Variants in TG observed in about 807,000 individuals in gnomAD.
The protein encoded by TG is thyroglobulin.
Under a neutral mutation model 324.7 loss-of-function variants are expected in TG, and 270 were observed. The ratio of observed to expected loss-of-function variants is 0.83; its 90% confidence interval spans 0.75 to 0.92. The LOEUF is 0.92. Ranked by LOEUF, TG falls within the 40% of genes least tolerant of loss-of-function variation. The pLI, the probability that TG is intolerant of heterozygous loss-of-function variation, is 0.00. For synonymous variants in TG, 1,401 were observed against 1,327.0 expected (o/e 1.06, Z -1.21); for missense variants, 3,591 against 3,456.4 (o/e 1.04, Z -0.98).
At chr8:132,962,939 G>A in intron 28 of TG, 55 bp from the exon 29 acceptor site, 2 of 1,541,020 alleles carry the variant, frequency 1.3e-6, no homozygotes, top group Non-Finnish European at 1.8e-6. Context: ...TTGTTGACCA[G>A]TGGAGTACTA....
At position 132,918,965 on chromosome 8, in the gene TG, C is replaced by T. The variant is rs139201442; in HGVS notation, c.4379-411C>T. ...TGATGTATTAATGTATGTAACAGGGCGATAGACTAAGTGCTGCCAGTAGTG... is the reference window on the plus strand; with the variant it reads ...TGATGTATTAATGTATGTAACAGGGTGATAGACTAAGTGCTGCCAGTAGTG... On this transcript the variant is annotated intron_variant, in intron 20 of 47. Transcript: ENST00000220616. Among the ~76,000 whole-genome samples, 16 of 152,242 alleles carry T rather than the reference C, an allele frequency of 1.1e-4. 1 individual carries two copies. In the East Asian group the frequency reaches 1.9e-3, roughly 18 times the overall value.
chr8:132,956,087 T>C (rs967597001), intron 27 of TG, among the ~76,000 whole-genome samples: 6 of 152,262 alleles, frequency 3.9e-5, no homozygotes, highest in Admixed American at 1.3e-4. Flanking sequence ...GGTGGAATGA[T>C]GCTTGCTTGC....
At chr8:132,896,493 TTCCCGTTC>T (rs1460734060) in intron 11 of TG, among the ~76,000 whole-genome samples, 1 of 152,190 alleles carries the variant, frequency 6.6e-6, no homozygotes, top group East Asian at 1.9e-4. Context: ...GCCACAGATA[TTCCCGTTC>T]TCCCTCCAGG....
At chr8:132,896,663 CCCG>C (rs1418500402) in intron 11 of TG, among the ~76,000 whole-genome samples, 2 of 152,210 alleles carry the variant, frequency 1.3e-5, no homozygotes, top group African/African-American at 4.8e-5. Context: ...GTGTGTCCCA[CCCG>C]CTGCCCACCC....
chr8:132,982,788 A>G (rs967938764), intron 34 of TG, among the ~76,000 whole-genome samples: 1 of 152,218 alleles, frequency 6.6e-6, no homozygotes, highest in Non-Finnish European at 1.5e-5. Flanking sequence ...CAGAAAGCAT[A>G]AGTGCCTTGC....
intron 41 of TG, among the ~76,000 whole-genome samples, chr8:133,078,259 T>C (rs1845202866): frequency 2.0e-5 from 3 of 152,174 alleles, no homozygotes; most frequent in Admixed American, 2.0e-4. Context: ...GGGCAGCCTG[T>C]GAGCTGCATC....
intron 5 of TG, among the ~76,000 whole-genome samples, 153 bp from the exon 6 acceptor site, chr8:132,881,710 A>T (rs905946246): frequency 4.5e-4 from 69 of 152,242 alleles, no homozygotes; most frequent in African/African-American, 1.6e-3. Flanking sequence ...AAGGAAATGC[A>T]TTTACTGCAG....
intron 27 of TG, among the ~76,000 whole-genome samples, chr8:132,956,193 C>A (rs972149192): frequency 6.6e-6 from 1 of 152,106 alleles, no homozygotes; most frequent in Non-Finnish European, 1.5e-5. Context: ...TTGGGGCTAA[C>A]CTTCTGATGC....
chr8:133,090,305 G>C (rs931781916), intron 41 of TG, among the ~76,000 whole-genome samples: 11 of 152,202 alleles, frequency 7.2e-5, no homozygotes, highest in Admixed American at 2.0e-4. Context: ...AGAAGCCCTG[G>C]GTTTGGAGTT....
chr8:132,884,766 A>C (rs1172869203), intron 8 of TG, among the ~76,000 whole-genome samples: 2 of 152,214 alleles, frequency 1.3e-5, no homozygotes, highest in Non-Finnish European at 2.9e-5. Flanking sequence ...ATATATTTTC[A>C]ATTTTTCTGT....
chr8:132,990,304 A>G (rs1832154567), intron 35 of TG, among the ~76,000 whole-genome samples: 1 of 152,024 alleles, frequency 6.6e-6, no homozygotes, highest in Non-Finnish European at 1.5e-5. Context: ...TTTAGTTGAC[A>G]TATAATAATT....
intron 30 of TG, 91 bp downstream of exon 30, chr8:132,966,788 G>A: frequency 6.5e-7 from 1 of 1,527,436 alleles, no homozygotes; most frequent in Middle Eastern, 1.7e-4. Flanking sequence ...CACAGATAAG[G>A]CCAAATTTTG....
chr8:133,050,967 G>C, intron 41 of TG: 1 of 1,006,678 alleles, frequency 9.9e-7, no homozygotes, highest in Non-Finnish European at 1.6e-6. Context: ...TTATTCACAA[G>C]GAGCTTAAAG....
chr8:133,039,860 C>A (rs879475498), intron 41 of TG: 2 of 1,430,456 alleles, frequency 1.4e-6, no homozygotes, highest in Non-Finnish European at 1.9e-6. Flanking sequence ...GCTCACCCCC[C>A]AGTTTCAGCA....
At chr8:133,116,339 T>A (rs1198123740) in intron 44 of TG, among the ~76,000 whole-genome samples, 2 of 152,254 alleles carry the variant, frequency 1.3e-5, no homozygotes, top group Non-Finnish European at 2.9e-5. Flanking sequence ...GGTTTTTTGA[T>A]GCCTAAAATA....
intron 41 of TG, chr8:133,060,329 A>G (rs1244868458): frequency 1.3e-6 from 2 of 1,554,148 alleles, no homozygotes; most frequent in South Asian, 1.2e-5. Flanking sequence ...GGCTGTTTAT[A>G]TGTGAAGATG....
At chr8:132,962,844 A>C in intron 28 of TG, 150 bp from the exon 29 acceptor site, 1 of 765,376 alleles carries the variant, frequency 1.3e-6, no homozygotes, top group Non-Finnish European at 2.4e-6. Context: ...AAAAGAGTGC[A>C]GATCCATGTC....
At chr8:132,883,062 G>T in intron 8 of TG, 63 bp downstream of exon 8, 1 of 1,564,770 alleles carries the variant, frequency 6.4e-7, no homozygotes, top group Non-Finnish European at 8.7e-7. Context: ...CGGTCCTCCA[G>T]ACCAACCTCT....
intron 41 of TG, chr8:133,050,065 G>T (rs1840118114): frequency 2.1e-6 from 2 of 953,328 alleles, no homozygotes; most frequent in African/African-American, 1.6e-5. Context: ...AGAGTAATCA[G>T]ATTTAACCCA....
Sources: gnomAD v4.1 joint callset for allele counts (sites outside exome capture counted in the v4.1 genomes callset) on GRCh38, gnomAD v4.1.1 for gene constraint, MANE v1.5 for transcripts, NCBI Gene and HGNC (gene_info 2026-07-23, HGNC 2026-07-21) for gene names.